The following SHROOM3 variants were observed in gnomAD, a reference collection of about 807,000 sequenced individuals.
The protein encoded by SHROOM3 is protein Shroom3.
A neutral mutation model predicts 138.6 loss-of-function variants in SHROOM3; 47 were observed. The ratio of observed to expected loss-of-function variants is 0.34; its 90% CI spans 0.27 to 0.43. SHROOM3 has a LOEUF of 0.43. SHROOM3 is among the 20% of genes least tolerant of loss of function. The pLI, the probability that SHROOM3 is intolerant of heterozygous loss-of-function variation, is 1.00. For missense variants in SHROOM3, 2,491 were observed against 2,596.5 expected (o/e 0.96, Z 0.88); for synonymous variants, 1,062 against 1,063.3 (o/e 1.00, Z 0.02).
intron 2 of SHROOM3, among the ~76,000 whole-genome samples, chr4:76,634,582 G>A (rs760520035): frequency 6.6e-6 from 1 of 152,142 alleles, no homozygotes; most frequent in Non-Finnish European, 1.5e-5. Flanking sequence ...CTAATGACTA[G>A]CTAGAGGAGT....
At chr4:76,478,383 C>T (rs1198505449) in intron 1 of SHROOM3, among the ~76,000 whole-genome samples, 1 of 152,220 alleles carries the variant, frequency 6.6e-6, no homozygotes, top group Admixed American at 6.5e-5. Flanking sequence ...TGGGCAGAGC[C>T]CACTGCAGCT....
At chr4:76,729,511 GTGTTT>G (rs1720812424) in intron 3 of SHROOM3, among the ~76,000 whole-genome samples, 2 of 152,154 alleles carry the variant, frequency 1.3e-5, no homozygotes, top group African/African-American at 2.4e-5. Flanking sequence ...GTATATGTTT[GTGTTT>G]TGTTTTGTTT....
chr4:76,586,436 A>T (rs1183866970), intron 2 of SHROOM3: 6 of 985,504 alleles, frequency 6.1e-6, no homozygotes, highest in Non-Finnish European at 7.2e-6. Context: ...ATAACTGAGG[A>T]CAATGGACCT....
intron 1 of SHROOM3, among the ~76,000 whole-genome samples, chr4:76,462,845 G>A (rs761314664): frequency 3.3e-5 from 5 of 151,844 alleles, no homozygotes; most frequent in African/African-American, 9.7e-5. Context: ...TCCTGAGGCC[G>A]CCCAGCCATG....
chr4:76,631,606 G>A (rs1409719556), intron 2 of SHROOM3, among the ~76,000 whole-genome samples: 1 of 152,122 alleles, frequency 6.6e-6, no homozygotes, highest in Non-Finnish European at 1.5e-5. Flanking sequence ...AATCCCAAGA[G>A]CAAGGGCCTT....
At chr4:76,626,344 A>G (rs1316146173) in intron 2 of SHROOM3, among the ~76,000 whole-genome samples, 3 of 152,166 alleles carry the variant, frequency 2.0e-5, no homozygotes, top group African/African-American at 7.2e-5. Context: ...GTGGGTATTT[A>G]AATAAGACAA....
At chr4:76,511,698 C>T (rs4859447) in intron 1 of SHROOM3, among the ~76,000 whole-genome samples, 15,505 of 152,204 alleles carry the variant, frequency 0.1, 923 homozygotes, top group East Asian at 0.23. Context: ...GAAAAAATTT[C>T]AAATAAAACA....
intron 2 of SHROOM3, among the ~76,000 whole-genome samples, chr4:76,617,246 G>A (rs1255842185): frequency 6.6e-6 from 1 of 152,126 alleles, no homozygotes; most frequent in East Asian, 1.9e-4. Context: ...ACAAGTAAGA[G>A]AATGTATAAA....
At chr4:76,623,049 C>T (rs138928618) in intron 2 of SHROOM3, among the ~76,000 whole-genome samples, 1 of 152,296 alleles carries the variant, frequency 6.6e-6, no homozygotes, top group Non-Finnish European at 1.5e-5. Context: ...CCACTGTTTA[C>T]TGTTTTAGTA....
intron 4 of SHROOM3, among the ~76,000 whole-genome samples, chr4:76,735,019 G>A (rs1008821039): frequency 1.2e-4 from 19 of 152,278 alleles, no homozygotes; most frequent in African/African-American, 4.6e-4. Context: ...GAGACCCTGA[G>A]ATGGGAATAA....
chr4:76,689,577 G>A, intron 2 of SHROOM3: 1 of 984,992 alleles, frequency 1.0e-6, no homozygotes, highest in Non-Finnish European at 1.2e-6. Context: ...GCCCATTGTT[G>A]AGCGCGTTGG....
intron 1 of SHROOM3, among the ~76,000 whole-genome samples, chr4:76,445,490 C>G (rs148288971): frequency 3.9e-5 from 6 of 152,228 alleles, no homozygotes; most frequent in African/African-American, 1.4e-4. Context: ...ACATTTGAGC[C>G]AAGACCTAAT....
chr4:76,687,980 C>A (rs537622457), intron 2 of SHROOM3, among the ~76,000 whole-genome samples: 23 of 152,126 alleles, frequency 1.5e-4, no homozygotes, highest in African/African-American at 5.5e-4. Context: ...ACTTCTTACT[C>A]CCCCCCACGC....
chr4:76,581,676 A>G (rs977995114), intron 2 of SHROOM3, among the ~76,000 whole-genome samples: 3 of 152,204 alleles, frequency 2.0e-5, no homozygotes, highest in African/African-American at 7.2e-5. Flanking sequence ...TTTCAGACAT[A>G]CTTGGAGTTC....
At chr4:76,602,811 G>A (rs925577008) in intron 2 of SHROOM3, among the ~76,000 whole-genome samples, 3 of 152,106 alleles carry the variant, frequency 2.0e-5, no homozygotes, top group Admixed American at 2.0e-4. Context: ...CTCTGTGACC[G>A]TGCAACCTTA....
At chr4:76,466,950 G>A (rs987839021) in intron 1 of SHROOM3, among the ~76,000 whole-genome samples, 1 of 152,014 alleles carries the variant, frequency 6.6e-6, no homozygotes, top group Admixed American at 6.6e-5. Context: ...AGTAAGTGAA[G>A]GAAACTAATA....
At chr4:76,682,654 G>A (rs1190986195) in intron 2 of SHROOM3, among the ~76,000 whole-genome samples, 15 of 151,860 alleles carry the variant, frequency 9.9e-5, no homozygotes, top group Admixed American at 9.8e-4. Context: ...AAAAAAAAAA[G>A]GAGAATGAGA....
chr4:76,450,256 T>C (rs114773059), intron 1 of SHROOM3, among the ~76,000 whole-genome samples: 1 of 152,208 alleles, frequency 6.6e-6, no homozygotes, highest in African/African-American at 2.4e-5. Flanking sequence ...TTCAGAGAGA[T>C]TAAAAGTATA....
chr4:76,595,834 G>A (rs1488156653), intron 2 of SHROOM3, among the ~76,000 whole-genome samples: 4 of 152,202 alleles, frequency 2.6e-5, no homozygotes, highest in Non-Finnish European at 5.9e-5. Context: ...ATGAGGGCCT[G>A]TTTTAGATAA....
Sources: allele counts gnomAD v4.1 joint callset (sites outside exome capture counted in the v4.1 genomes callset), GRCh38; gene constraint gnomAD v4.1.1; transcripts MANE v1.5; gene names NCBI Gene and HGNC (gene_info 2026-07-23, HGNC 2026-07-21).